DNASE1: variants seen among roughly 807,000 people sequenced by gnomAD.
DNASE1 encodes deoxyribonuclease-1.
DNASE1 carries 40 observed loss-of-function variants against 33.9 expected under a neutral mutation model. The observed-to-expected ratio is 1.18, with a 90% CI of 0.92 to 1.54. The LOEUF is 1.54. DNASE1 is among the 40% of genes most tolerant of loss of function. The probability of loss-of-function intolerance (pLI) is 0.00; values close to 1 mark genes in which losing one functional copy is unlikely to be tolerated. For missense variants in DNASE1, 518 were observed against 372.6 expected (o/e 1.39, Z -3.21); for synonymous variants, 216 against 160.0 (o/e 1.35, Z -2.64).
intron 1 of DNASE1, among the ~76,000 whole-genome samples, chr16:3,617,200 C>T (rs1355932904): frequency 6.6e-6 from 1 of 151,654 alleles, no homozygotes; most frequent in African/African-American, 2.4e-5. Context: ...GTGGTGTGCG[C>T]CCGTAATCCC....
chr16:3,643,188 C>T (rs966342828), intron 1 of DNASE1, among the ~76,000 whole-genome samples: 1 of 152,212 alleles, frequency 6.6e-6, no homozygotes, highest in Admixed American at 6.5e-5. Flanking sequence ...AAGATAGGGG[C>T]TCAGGGCTGC....
intron 1 of DNASE1, 99 bp from the exon 2 acceptor site, chr16:3,655,274 C>T: frequency 6.5e-7 from 1 of 1,546,854 alleles, no homozygotes; most frequent in Non-Finnish European, 8.8e-7. Context: ...TGACCTTGAG[C>T]TCCACCAGCC....
exon 10 of DNASE1, chr16:3,664,240 C>A (rs1328887039): frequency 2.7e-6 from 4 of 1,507,428 alleles, no homozygotes; most frequent in Non-Finnish European, 3.5e-6. Flanking sequence ...CAGGTTGCAG[C>A]CCCCGGAGCC....
chr16:3,655,282 G>A, intron 1 of DNASE1, 91 bp from the exon 2 acceptor site: 1 of 1,571,864 alleles, frequency 6.4e-7, no homozygotes, highest in Non-Finnish European at 8.7e-7. Context: ...AGCTCCACCA[G>A]CCCCTGCCAG....
intron 1 of DNASE1, among the ~76,000 whole-genome samples, chr16:3,621,292 G>C (rs768605635): frequency 6.6e-6 from 1 of 152,058 alleles, no homozygotes; most frequent in Non-Finnish European, 1.5e-5. Flanking sequence ...TTGCTATCTT[G>C]CCCAGGCTGA....
chr16:3,618,679 A>G (rs2041193831), intron 1 of DNASE1, among the ~76,000 whole-genome samples: 1 of 152,188 alleles, frequency 6.6e-6, no homozygotes. Context: ...TGGTGAGCTG[A>G]GATGGTGCCA....
chr16:3,651,585 T>C (rs1162837676), upstream of DNASE1: 4 of 152,282 alleles, frequency 2.6e-5, no homozygotes, highest in African/African-American at 9.7e-5. Context: ...ACCCATGGAA[T>C]GTGGGCAGAA....
chr16:3,612,076 C>T (rs2151144616), intron 1 of DNASE1: 1 of 152,236 alleles, frequency 6.6e-6, no homozygotes, highest in South Asian at 2.1e-4. Context: ...GATTCTGCCG[C>T]GCTTCAGGTG....
intron 1 of DNASE1, among the ~76,000 whole-genome samples, chr16:3,619,912 C>G (rs1422128851): frequency 6.7e-6 from 1 of 149,564 alleles, no homozygotes; most frequent in Non-Finnish European, 1.5e-5. Context: ...ATATGTATGG[C>G]TTTTCTTTTT....
Position 3,654,997 on chromosome 16 carries a change from T to G in DNASE1, c.-49T>G. 2.1e-6 allele frequency: 1 copy of G among 486,822 alleles called. No homozygotes were observed. Among genetic ancestry groups the G allele is most frequent in the South Asian group, 4.3e-5 (1 of 23,042 alleles). 30.2% of individuals were successfully genotyped at this position (486,822 alleles called of 1,614,324 possible). A position where few individuals can be genotyped will look rare whatever the true frequency, so the allele number is the denominator to read the frequency against. On this transcript the variant is annotated 5_prime_UTR_variant, in exon 1 of 9. Transcript: ENST00000246949. ...AATTGTCATCAAAGGATATTCCAGA[T>G]TCTTGACAGCATTCTCGTCATCTCT...
downstream of DNASE1, chr16:3,660,416 G>A (rs2043005315): frequency 6.6e-6 from 1 of 152,244 alleles, no homozygotes; most frequent in Non-Finnish European, 1.5e-5. Flanking sequence ...GCTGCAGTGA[G>A]CTCTGATGGC....
intron 1 of DNASE1, among the ~76,000 whole-genome samples, chr16:3,632,004 T>A (rs2041715600): frequency 6.6e-6 from 1 of 152,242 alleles, no homozygotes; most frequent in African/African-American, 2.4e-5. Flanking sequence ...AAATTCTGCT[T>A]CTTTATAGCT....
downstream of DNASE1, chr16:3,660,462 G>A (rs898444414): frequency 1.3e-5 from 2 of 151,766 alleles, no homozygotes; most frequent in African/African-American, 2.4e-5. Context: ...GACAGAGCAA[G>A]ACCCTGTCTC....
exon 10 of DNASE1, chr16:3,664,143 G>C (rs1159685227): frequency 2.1e-6 from 2 of 961,868 alleles, no homozygotes; most frequent in African/African-American, 1.7e-5. Flanking sequence ...CGGCCTCTGT[G>C]CCCGTGACCC....
At chr16:3,619,017 G>C (rs1037406673) in intron 1 of DNASE1, among the ~76,000 whole-genome samples, 2 of 151,840 alleles carry the variant, frequency 1.3e-5, no homozygotes, top group African/African-American at 4.8e-5. Flanking sequence ...CCTGTAGCTA[G>C]AGCTAGAAGG....
chr16:3,662,978 G>A, downstream of DNASE1: 1 of 1,597,576 alleles, frequency 6.3e-7, no homozygotes, highest in Non-Finnish European at 8.5e-7. Context: ...CTGCGGAAGA[G>A]CAGGCGACAG....
Position 3,657,064 on chromosome 16 carries a change from GCT to G in DNASE1, c.507_508del (p.Tyr170Ter), listed in dbSNP as rs1381127844. ...GGGGGACGCAGTAGCCGAGATCGAC[GCT>G]CTCTATGACGTCTACCTGGATGTCC... ...APGDAVAEID[A>X]LYDVYLDVQE... On this transcript the variant is annotated frameshift_variant, in exon 6 of 9. Transcript: ENST00000246949. LOFTEE classifies it high-confidence loss of function. The G allele has an allele frequency of 1.9e-6, 3 of 1,613,956 alleles. No homozygotes were observed. In the East Asian group the frequency reaches 6.7e-5, roughly 36 times the overall value.
chr16:3,663,674 A>T, exon 10 of DNASE1: 1 of 1,398,024 alleles, frequency 7.2e-7, no homozygotes, highest in South Asian at 1.3e-5. Context: ...ACACTGGGGA[A>T]CACCGGGGCA....
chr16:3,624,467 C>A (rs944262824), intron 1 of DNASE1, among the ~76,000 whole-genome samples: 3 of 152,178 alleles, frequency 2.0e-5, no homozygotes, highest in African/African-American at 7.2e-5. Context: ...GAGCTCTAAA[C>A]CTTCAGAATG....
Sources: gnomAD v4.1 joint callset for allele counts (sites outside exome capture counted in the v4.1 genomes callset) on GRCh38, gnomAD v4.1.1 for gene constraint, MANE v1.5 for transcripts, NCBI Gene and HGNC (gene_info 2026-07-23, HGNC 2026-07-21) for gene names.